Variants in PIK3C3 observed in about 807,000 individuals in gnomAD.
The protein encoded by PIK3C3 is PI3-kinase type 3.
Under a neutral mutation model 126.1 loss-of-function variants are expected in PIK3C3, and 95 were observed. The observed-to-expected ratio is 0.75, with a 90% CI of 0.64 to 0.89. The LOEUF (loss-of-function observed/expected upper bound fraction) is 0.89, where lower values mean the gene tolerates loss of function less well. Among genes scored for constraint, PIK3C3 ranks in the 40% least tolerant of loss-of-function variants. The probability of loss-of-function intolerance (pLI) is 0.00; values close to 1 mark genes in which losing one functional copy is unlikely to be tolerated. For missense variants in PIK3C3, 829 were observed against 1,063.2 expected (o/e 0.78, Z 3.06); for synonymous variants, 374 against 360.0 (o/e 1.04, Z -0.44).
At position 41,967,760 on chromosome 18, in the gene PIK3C3, CCA is replaced by C. The variant is rs539559163; in HGVS notation, c.402-2564_402-2563del. On this transcript the variant is annotated intron_variant, in intron 3 of 24. Transcript: ENST00000262039. The stretch of plus-strand genomic sequence containing the variant: ...ATTGTTAGGTTGACCTGGCAAAGAA[CCA>C]CATGCAAGCTGTAGATTTCTCTTGC... Among the ~76,000 whole-genome samples the C allele has an allele frequency of 7.9e-5, 12 of 152,300 alleles. No individual in the cohort carries two copies. In the South Asian group the frequency reaches 2.5e-3, roughly 32 times the overall value.
At position 42,037,675 on chromosome 18, in the gene PIK3C3, A is replaced by ATATTTTATTTTTT. The variant is rs1312482140; in HGVS notation, c.1840-11_1840-10insATTTTTTTATTTT. ...TAATTCATGGCCAAATTTGAAATCA[A>ATATTTTATTTTTT]TATTTTTATTTTCCAGAGTGCCCTT... is the stretch of plus-strand genomic sequence containing the variant. On this transcript the variant is annotated splice_polypyrimidine_tract_variant and intron_variant, in intron 16 of 24. Transcript: ENST00000262039. 3.1e-6 allele frequency: 5 copies of ATATTTTATTTTTT among 1,596,482 alleles called. No homozygotes were observed. Among genetic ancestry groups the ATATTTTATTTTTT allele is most frequent in the South Asian group, 2.2e-5 (2 of 89,632 alleles).
intron 4 of PIK3C3, among the ~76,000 whole-genome samples, chr18:41,975,846 C>T (rs1033245675): frequency 1.4e-4 from 21 of 152,028 alleles, no homozygotes; most frequent in Non-Finnish European, 1.6e-4. Flanking sequence ...ACTACAGGCA[C>T]CCGCCATCAT....
intron 7 of PIK3C3, among the ~76,000 whole-genome samples, chr18:41,994,010 A>G (rs1418200793): frequency 6.6e-6 from 1 of 152,178 alleles, no homozygotes; most frequent in Non-Finnish European, 1.5e-5. Context: ...GCTCATTTAC[A>G]TCATTCCAAC....
chr18:42,021,908 G>A (rs1006581932), intron 13 of PIK3C3, among the ~76,000 whole-genome samples: 1 of 152,160 alleles, frequency 6.6e-6, no homozygotes, highest in Non-Finnish European at 1.5e-5. Flanking sequence ...CTGGTTCTAA[G>A]CATTTTGGCT....
chr18:41,977,337 A>G (rs2040370728), intron 4 of PIK3C3, among the ~76,000 whole-genome samples: 2 of 152,192 alleles, frequency 1.3e-5, no homozygotes, highest in Non-Finnish European at 2.9e-5. Flanking sequence ...TTACTGAAAA[A>G]GGTGTATGTT....
chr18:42,072,167 A>G (rs903804305), intron 24 of PIK3C3, among the ~76,000 whole-genome samples: 1 of 152,194 alleles, frequency 6.6e-6, no homozygotes, highest in Admixed American at 6.5e-5. Flanking sequence ...CATCTATTAT[A>G]ATGATGCAAT....
chr18:41,993,382 C>T (rs1981874775), intron 7 of PIK3C3, 41 bp downstream of exon 7: 4 of 1,323,340 alleles, frequency 3.0e-6, no homozygotes, highest in East Asian at 2.3e-5. Flanking sequence ...TACTTTTCTT[C>T]AGAGTAATTG....
Position 41,970,044 on chromosome 18 carries a change from A to G in PIK3C3, c.402-283A>G, listed in dbSNP as rs117570829. Among the ~76,000 whole-genome samples the G allele has an allele frequency of 5.3e-4, 81 of 152,288 alleles. 2 individuals carry two copies. In the East Asian group the frequency reaches 0.014, roughly 26 times the overall value. ...CTTAGATCTTCACCAAAGTGATGAA[A>G]TGTGTGTGCTCATTTCTCATCCTTC... On this transcript the variant is annotated intron_variant, in intron 3 of 24. Coordinates refer to ENST00000262039, the MANE Select transcript of PIK3C3 (RefSeq NM_002647.4).
At chr18:42,055,944 G>A (rs1052999787) in intron 21 of PIK3C3, among the ~76,000 whole-genome samples, 3 of 152,038 alleles carry the variant, frequency 2.0e-5, no homozygotes, top group Admixed American at 6.6e-5. Flanking sequence ...AATGTAATTA[G>A]CACCTCTTAC....
chr18:42,037,968 A>G (rs1319346066), intron 17 of PIK3C3, 148 bp downstream of exon 17: 1 of 666,086 alleles, frequency 1.5e-6, no homozygotes, highest in East Asian at 2.5e-5. Flanking sequence ...CCTTGAAAAA[A>G]TTTAGTTGCT....
chr18:41,978,395 A>G (rs906093241), intron 4 of PIK3C3, among the ~76,000 whole-genome samples: 1 of 152,190 alleles, frequency 6.6e-6, no homozygotes, highest in African/African-American at 2.4e-5. Flanking sequence ...CAAGTTAGGG[A>G]TATGTCAGTT....
intron 21 of PIK3C3, 42 bp downstream of exon 21, chr18:42,049,647 C>T (rs770232916): frequency 7.0e-7 from 1 of 1,421,818 alleles, no homozygotes. Context: ...TTGTATATGC[C>T]CATGGTTTTT....
chr18:42,085,722 A>G lies in PIK3C3; in HGVS notation c.*4585A>G, dbSNP rs2144550660. 1 of 152,274 alleles carries G rather than the reference A, an allele frequency of 6.6e-6. No homozygotes were observed. The highest frequency in any genetic ancestry group is 1.9e-4 in the East Asian group (1 of 5,182). The allele number at this position is 152,274 out of a possible 1,614,324, so 9.4% of individuals were successfully genotyped here. A position where few individuals can be genotyped will look rare whatever the true frequency, so the allele number is the denominator to read the frequency against. On this transcript the variant is annotated 3_prime_UTR_variant, in exon 25 of 25. Transcript: ENST00000262039. ...AGCATCCCAGTATTGCCATTCTAAAACTCTGGCATGTAAATGGGAGAAATG... is the reference window on the plus strand; with the variant it reads ...AGCATCCCAGTATTGCCATTCTAAAGCTCTGGCATGTAAATGGGAGAAATG...
intron 21 of PIK3C3, chr18:42,049,975 G>A (rs491342): frequency 0.55 from 71,032 of 128,520 alleles, 18,135 homozygotes; most frequent in African/African-American, 0.72. Flanking sequence ...CGCCATCTTA[G>A]AAAAAAAAAA....
chr18:42,002,249 G>A (rs1349231851), intron 9 of PIK3C3, among the ~76,000 whole-genome samples: 1 of 152,184 alleles, frequency 6.6e-6, no homozygotes, highest in Non-Finnish European at 1.5e-5. Flanking sequence ...AGGGGTTAGA[G>A]AGACATTGTT....
At chr18:41,993,494 TTC>T (rs758273589) in intron 7 of PIK3C3, among the ~76,000 whole-genome samples, 153 bp downstream of exon 7, 12 of 152,164 alleles carry the variant, frequency 7.9e-5, no homozygotes, top group Non-Finnish European at 1.3e-4. Context: ...TAGGCACTGT[TTC>T]TGATGGAATT....
chr18:42,087,623 G>A lies in PIK3C3; in HGVS notation c.*6486G>A, dbSNP rs1986424743. 1 of 152,106 alleles carries A rather than the reference G, an allele frequency of 6.6e-6. No individual in the cohort carries two copies. Among genetic ancestry groups the A allele is most frequent in the African/African-American group, 2.4e-5 (1 of 41,416 alleles). 9.4% of individuals were successfully genotyped at this position (152,106 alleles called of 1,614,324 possible). Reference sequence around the variant, plus strand: ...TCATTAAAGAAAAAAGCCTTACCGAGGACTCCCATACCCTTGCTTTCTGCT... The same window carrying A: ...TCATTAAAGAAAAAAGCCTTACCGAAGACTCCCATACCCTTGCTTTCTGCT... On this transcript the variant is annotated 3_prime_UTR_variant, in exon 25 of 25. Transcript: ENST00000262039.
At chr18:42,010,567 T>C (rs1982776221) in intron 10 of PIK3C3, among the ~76,000 whole-genome samples, 1 of 152,170 alleles carries the variant, frequency 6.6e-6, no homozygotes, top group Admixed American at 6.6e-5. Flanking sequence ...GGTTTCGCCA[T>C]GTTAGCCAGG....
rs1983039433 is a variant in PIK3C3, at chr18:42,015,602, GATCCTACT to G, written c.1416+37_1416+44del. 5.7e-6 allele frequency: 8 copies of G among 1,394,052 alleles called. No homozygotes were observed. The East Asian group carries it at 1.8e-4, about 32-fold the overall frequency. The allele number at this position is 1,394,052 out of a possible 1,614,324, so 86.4% of individuals were successfully genotyped here. On this transcript the variant is annotated intron_variant, in intron 12 of 24. Transcript: ENST00000262039. ...AGCTTTTCCAGCTTCCTATAGGAGA[GATCCTACT>G]GCATGAACATTTTATACTTGTCTTT...
Sources: allele counts gnomAD v4.1 joint callset (sites outside exome capture counted in the v4.1 genomes callset), GRCh38; gene constraint gnomAD v4.1.1; transcripts MANE v1.5; gene names NCBI Gene and HGNC (gene_info 2026-07-23, HGNC 2026-07-21).